The following ROBO1 variants were observed in gnomAD, a reference collection of about 807,000 sequenced individuals.
ROBO1 encodes the protein roundabout homolog 1.
In ROBO1, 149 loss-of-function variants were observed where a neutral mutation model predicts 195.9. The ratio of observed to expected loss-of-function variants is 0.76; its 90% CI spans 0.67 to 0.87. The LOEUF (loss-of-function observed/expected upper bound fraction) is 0.87. ROBO1 is among the 40% of genes least tolerant of loss of function. ROBO1 has a pLI of 0.00. For synonymous variants in ROBO1, 816 were observed against 733.2 expected (o/e 1.11, Z -1.82); for missense variants, 1,933 against 2,068.3 (o/e 0.93, Z 1.27).
chr3:78,993,610 G>A lies in ROBO1; in HGVS notation c.173-54683C>T, dbSNP rs185911726. Among the ~76,000 whole-genome samples, 18 of 152,232 alleles carry A rather than the reference G, an allele frequency of 1.2e-4. 1 individual carries two copies. In the East Asian group the frequency reaches 3.3e-3, roughly 28 times the overall value. ...TTTGCATTTCCGCCATGACCTCAGG[G>A]ACTAGACCTCGTCATCTCACCCCAA... On this transcript the variant is annotated intron_variant, in intron 3 of 30. Transcript: ENST00000464233.
chr3:78,734,758 T>C (rs888918404), intron 5 of ROBO1, among the ~76,000 whole-genome samples: 1 of 152,196 alleles, frequency 6.6e-6, no homozygotes, highest in Non-Finnish European at 1.5e-5. Flanking sequence ...TTCATTATAG[T>C]ACTTAGATGA....
intron 3 of ROBO1, among the ~76,000 whole-genome samples, chr3:79,061,182 T>G (rs946494712): frequency 1.3e-5 from 2 of 152,046 alleles, no homozygotes; most frequent in African/African-American, 4.8e-5. Flanking sequence ...TGTGCAAAAA[T>G]CACAAGCACT....
chr3:79,542,440 A>G (rs1355703435), intron 2 of ROBO1, among the ~76,000 whole-genome samples: 1 of 152,062 alleles, frequency 6.6e-6, no homozygotes, highest in African/African-American at 2.4e-5. Flanking sequence ...TCAGAAATGC[A>G]TTAGAAAAAC....
intron 2 of ROBO1, among the ~76,000 whole-genome samples, chr3:79,368,801 G>A (rs1332067713): frequency 6.6e-6 from 1 of 152,066 alleles, no homozygotes; most frequent in Admixed American, 6.6e-5. Context: ...CTGTCTCTCA[G>A]AAAGAAATTA....
At chr3:78,702,516 G>T (rs1405825876) in intron 8 of ROBO1, among the ~76,000 whole-genome samples, 3 of 152,254 alleles carry the variant, frequency 2.0e-5, no homozygotes, top group Non-Finnish European at 4.4e-5. Flanking sequence ...TACTAACTCT[G>T]ATAAAATAAT....
At chr3:78,700,236 T>A (rs1037318097) in intron 8 of ROBO1, among the ~76,000 whole-genome samples, 2 of 152,232 alleles carry the variant, frequency 1.3e-5, no homozygotes, top group African/African-American at 4.8e-5. Context: ...CTGCTGATAC[T>A]ATAGATATTT....
chr3:79,190,707 T>C (rs2081525303), intron 2 of ROBO1, among the ~76,000 whole-genome samples: 1 of 151,666 alleles, frequency 6.6e-6, no homozygotes, highest in Non-Finnish European at 1.5e-5. Flanking sequence ...CTTGACTCAA[T>C]TACTATATTA....
At chr3:78,653,579 G>T (rs1005017918) in intron 18 of ROBO1, among the ~76,000 whole-genome samples, 21 of 152,212 alleles carry the variant, frequency 1.4e-4, no homozygotes, top group Non-Finnish European at 2.9e-4. Context: ...ATCTGCCCTT[G>T]TCGGCACTCC....
intron 2 of ROBO1, among the ~76,000 whole-genome samples, chr3:79,166,331 A>T (rs2081062521): frequency 6.6e-6 from 1 of 152,166 alleles, no homozygotes; most frequent in South Asian, 2.1e-4. Flanking sequence ...TGTATTATTT[A>T]TGATGGTTAT....
At chr3:79,686,823 C>A (rs962407435) in intron 1 of ROBO1, among the ~76,000 whole-genome samples, 1 of 152,156 alleles carries the variant, frequency 6.6e-6, no homozygotes, top group African/African-American at 2.4e-5. Flanking sequence ...ATGCCATCCC[C>A]ATCAAGCTAC....
intron 4 of ROBO1, among the ~76,000 whole-genome samples, chr3:78,893,217 G>A (rs1257579702): frequency 6.6e-6 from 1 of 152,224 alleles, no homozygotes; most frequent in African/African-American, 2.4e-5. Flanking sequence ...CAATGTGATA[G>A]TATTAAGAAG....
intron 2 of ROBO1, among the ~76,000 whole-genome samples, chr3:79,328,843 T>TA (rs2034322371): frequency 6.6e-6 from 1 of 152,062 alleles, no homozygotes; most frequent in Non-Finnish European, 1.5e-5. Context: ...TGTATCATTC[T>TA]AATGCCTTTG....
chr3:78,886,065 CTT>C (rs1371754080), intron 4 of ROBO1, among the ~76,000 whole-genome samples: 1 of 150,654 alleles, frequency 6.6e-6, no homozygotes, highest in Admixed American at 6.6e-5. Flanking sequence ...TATCTTTTAG[CTT>C]TGTTTATAAA....
At chr3:78,731,458 C>A (rs1435687318) in intron 5 of ROBO1, among the ~76,000 whole-genome samples, 3 of 152,080 alleles carry the variant, frequency 2.0e-5, no homozygotes, top group African/African-American at 7.2e-5. Context: ...AAAGCTTGAT[C>A]TGACATTTCC....
At chr3:79,176,746 T>C (rs539393653) in intron 2 of ROBO1, among the ~76,000 whole-genome samples, 1 of 152,178 alleles carries the variant, frequency 6.6e-6, no homozygotes, top group Non-Finnish European at 1.5e-5. Context: ...AGGTGTGAGC[T>C]GCCGCGCCTA....
intron 2 of ROBO1, among the ~76,000 whole-genome samples, chr3:79,406,661 G>A (rs2037563268): frequency 6.6e-6 from 1 of 151,838 alleles, no homozygotes; most frequent in African/African-American, 2.4e-5. Context: ...AGGTGTTTCA[G>A]CCACTGAAAG....
intron 2 of ROBO1, among the ~76,000 whole-genome samples, chr3:79,407,263 A>G (rs1354967398): frequency 6.6e-6 from 1 of 152,192 alleles, no homozygotes; most frequent in African/African-American, 2.4e-5. Context: ...ATTACAGAAT[A>G]GAAGACATTG....
intron 1 of ROBO1, among the ~76,000 whole-genome samples, chr3:79,760,095 G>A (rs1176426309): frequency 6.6e-6 from 1 of 151,374 alleles, no homozygotes; most frequent in African/African-American, 2.4e-5. Flanking sequence ...AAATTATCTG[G>A]GTGTGGTGGT....
At chr3:78,886,079 AAAC>A (rs553629362) in intron 4 of ROBO1, among the ~76,000 whole-genome samples, 54 of 151,652 alleles carry the variant, frequency 3.6e-4, no homozygotes, top group East Asian at 1.7e-3. Context: ...GTTTATAAAA[AAAC>A]AACATCAAAT....
Sources: gnomAD v4.1 joint callset for allele counts (sites outside exome capture counted in the v4.1 genomes callset) on GRCh38, gnomAD v4.1.1 for gene constraint, MANE v1.5 for transcripts, NCBI Gene and HGNC (gene_info 2026-07-23, HGNC 2026-07-21) for gene names.